Variants in CETP observed in about 807,000 individuals in gnomAD.
CETP encodes the protein cholesteryl ester transfer protein, also known as BPI fold containing family F.
Under a neutral mutation model 66.5 loss-of-function variants are expected in CETP, and 56 were observed. The ratio of observed to expected loss-of-function variants is 0.84; its 90% CI spans 0.68 to 1.05. The LOEUF (loss-of-function observed/expected upper bound fraction) is 1.05. Among genes scored for constraint, CETP ranks in the 50% least tolerant of loss-of-function variants. CETP has a pLI of 0.00. For missense variants in CETP, 612 were observed against 609.6 expected, an observed-to-expected ratio of 1.00 and a Z score of -0.04; for synonymous variants, 251 against 245.7, an observed-to-expected ratio of 1.02 and a Z score of -0.20.
Position 56,962,130 on chromosome 16 carries a change from G to A in CETP, c.118+33G>A, listed in dbSNP as rs368028559. On this transcript the variant is annotated intron_variant, in intron 1 of 15. Coordinates refer to ENST00000200676, the MANE Select transcript of CETP (RefSeq NM_000078.3). ...TCAGTGCATCTGTCTGCCCTGCCAG[G>A]GGTCTTTTCATGGACACCCACTATG... 203 of 1,577,188 alleles carry A rather than the reference G, an allele frequency of 1.3e-4. No individual in the cohort carries two copies. The African/African-American group carries it at 2.2e-3, about 17-fold the overall frequency.
chr16:56,973,980 T>A (rs117693818), intron 9 of CETP, among the ~76,000 whole-genome samples: 7 of 152,170 alleles, frequency 4.6e-5, no homozygotes, highest in Non-Finnish European at 1.5e-5. Context: ...TGCTCTTTCA[T>A]GCAATGTCTG....
At chr16:56,978,334 C>T (rs1490149608) in intron 11 of CETP, 79 bp downstream of exon 11, 1 of 1,553,052 alleles carries the variant, frequency 6.4e-7, no homozygotes, top group Non-Finnish European at 8.9e-7. Flanking sequence ...GCCTGGGGGT[C>T]TCTGAAGCCT....
intron 14 of CETP, among the ~76,000 whole-genome samples, chr16:56,982,911 A>T (rs576593583): frequency 6.6e-6 from 1 of 152,354 alleles, no homozygotes; most frequent in East Asian, 1.9e-4. Flanking sequence ...CATCTGAACC[A>T]TGAAGCTAAA....
chr16:56,969,774 G>A lies in CETP; in HGVS notation c.439+93G>A, dbSNP rs371368993. The stretch of plus-strand genomic sequence containing the variant: ...GGTTGTGCAGGCAGAGGGTTCTGGG[G>A]CCACCAAAGGAGGCCCAGCCTGGGA... On this transcript the variant is annotated intron_variant, in intron 4 of 15. Coordinates refer to ENST00000200676, the MANE Select transcript of CETP (RefSeq NM_000078.3). The A allele has an allele frequency of 9.1e-5, 143 of 1,563,032 alleles. 1 individual carries two copies. The African/African-American group carries it at 1.7e-3, about 19-fold the overall frequency.
Position 56,971,079 on chromosome 16 carries a change from C to T in CETP, c.574C>T (p.Leu192=). The part of the protein sequence containing the change: ...QLFTNFISFT[L]KLVLKGQICK... Reference sequence around the variant, plus strand: ...GTTCACAAATTTCATCTCCTTCACCCTGAAGCTGGTCCTGAAGGGACAGGT... The same window carrying T: ...GTTCACAAATTTCATCTCCTTCACCTTGAAGCTGGTCCTGAAGGGACAGGT... The change falls in exon 6 of 16, where the codon CTG becomes TTG. Residue 192 remains leucine, a synonymous_variant. Coordinates refer to ENST00000200676, the MANE Select transcript of CETP (RefSeq NM_000078.3). The T allele has an allele frequency of 6.2e-7, 1 of 1,614,124 alleles. No individual in the cohort carries two copies. Among genetic ancestry groups the T allele is most frequent in the Non-Finnish European group, 8.5e-7 (1 of 1,180,014 alleles).
intron 2 of CETP, among the ~76,000 whole-genome samples, chr16:56,966,485 G>A (rs17237967): frequency 0.012 from 1,856 of 152,272 alleles, 55 homozygotes; most frequent in African/African-American, 0.042. Flanking sequence ...GCCCAGCTTC[G>A]TGCTAGAATC....
chr16:56,981,390 G>A (rs145531171), intron 12 of CETP, among the ~76,000 whole-genome samples, 165 bp downstream of exon 12: 4 of 152,224 alleles, frequency 2.6e-5, no homozygotes, highest in Admixed American at 6.5e-5. Flanking sequence ...TAGAATCTTC[G>A]TGGGGAAGAA....
In CETP at chr16:56,969,630, A is replaced by G. The variant is rs1422900953; in HGVS notation, c.388A>G (p.Ile130Val). 2 of 1,614,036 alleles carry G rather than the reference A, an allele frequency of 1.2e-6. No individual in the cohort carries two copies. Among genetic ancestry groups the G allele is most frequent in the Non-Finnish European group, 1.7e-6 (2 of 1,180,034 alleles). ...TAWWLGIDQS[I>V]DFEIDSAIDL... The stretch of plus-strand genomic sequence containing the variant: ...TTCCAGGCTGGGTATTGATCAGTCC[A>G]TTGACTTCGAGATCGACTCTGCCAT... The change falls in exon 4 of 16, where the codon ATT becomes GTT. Residue 130 changes from isoleucine (I) to valine (V), a missense_variant. Transcript: ENST00000200676.
At chr16:56,975,217 G>GC in intron 10 of CETP, 66 bp downstream of exon 10, 1 of 1,404,846 alleles carries the variant, frequency 7.1e-7, no homozygotes, top group Non-Finnish European at 1.0e-6. Context: ...GGCTTCAAGA[G>GC]CCCCCACACA....
Position 56,975,186 on chromosome 16 carries a change from C to T in CETP, c.981+35C>T, listed in dbSNP as rs1181638670. 2.5e-6 allele frequency: 4 copies of T among 1,595,610 alleles called. No homozygotes were observed. The East Asian group carries it at 8.9e-5, about 36-fold the overall frequency. On this transcript the variant is annotated intron_variant, in intron 10 of 15. Coordinates refer to ENST00000200676, the MANE Select transcript of CETP (RefSeq NM_000078.3). ...CCCTGCCCCTGTGTGGGGTTTATCT[C>T]ACGTACCCCAATCCTGCTCTGGCTT...
At chr16:56,978,647 AT>A (rs200428946) in intron 11 of CETP, among the ~76,000 whole-genome samples, 1 of 150,788 alleles carries the variant, frequency 6.6e-6, no homozygotes, top group East Asian at 2.0e-4. Flanking sequence ...CACCTGGCTA[AT>A]TTAAAAAAAA....
intron 8 of CETP, 93 bp from the exon 9 acceptor site, chr16:56,973,238 G>A: frequency 7.4e-7 from 1 of 1,356,020 alleles, no homozygotes; most frequent in Non-Finnish European, 1.0e-6. Context: ...TGCACTCTGG[G>A]CTGAATGCTG....
At chr16:56,974,947 C>T (rs1446408852) in intron 9 of CETP, among the ~76,000 whole-genome samples, 154 bp from the exon 10 acceptor site, 2 of 152,226 alleles carry the variant, frequency 1.3e-5, no homozygotes, top group African/African-American at 4.8e-5. Context: ...CTGTTCCACA[C>T]CCTGCCCAGA....
intron 10 of CETP, among the ~76,000 whole-genome samples, chr16:56,977,820 C>T (rs1051242729): frequency 1.3e-5 from 2 of 152,080 alleles, no homozygotes; most frequent in Admixed American, 6.5e-5. Context: ...AAAGTGAGGC[C>T]CAGAAGGCTA....
intron 5 of CETP, among the ~76,000 whole-genome samples, chr16:56,970,376 TCTACGGA>T (rs2056101150): frequency 6.6e-6 from 1 of 152,194 alleles, no homozygotes; most frequent in African/African-American, 2.4e-5. Flanking sequence ...AAAGCTCATA[TCTACGGA>T]GTGCATCCTG....
intron 2 of CETP, among the ~76,000 whole-genome samples, chr16:56,966,904 G>A (rs570218060): frequency 6.6e-6 from 1 of 151,590 alleles, no homozygotes; most frequent in African/African-American, 2.4e-5. Flanking sequence ...CGTGAGCCAC[G>A]GCCTGGCCCA....
chr16:56,969,678 C>G lies in CETP; in HGVS notation c.436C>G (p.Leu146Val), dbSNP rs1289501590. The G allele has an allele frequency of 6.2e-7, 1 of 1,613,946 alleles. No homozygotes were observed. Residue 146 changes from leucine (L) to valine (V), a missense_variant, in exon 4 of 16, where the codon CTG (leucine) becomes GTG (valine). By Grantham distance (32) the Leu-to-Val change is conservative. Coordinates refer to ENST00000200676, the MANE Select transcript of CETP (RefSeq NM_000078.3). ...CATTGACCTCCAGATCAACACACAG[C>G]TGAGTATGTGTCAAGCGTCCTCTGG... ...SAIDLQINTQ[L>V]TCDSGRVRTD...
In CETP at chr16:56,978,153, C is replaced by G. The variant is rs764846568; in HGVS notation, c.1044C>G (p.Ile348Met). The G allele has an allele frequency of 6.2e-7, 1 of 1,614,250 alleles. No individual in the cohort carries two copies. Among genetic ancestry groups the G allele is most frequent in the East Asian group, 2.2e-5 (1 of 44,894 alleles). Residue 348 changes from isoleucine (I) to methionine (M), a missense_variant, in exon 11 of 16, where the codon ATC becomes ATG. Ile to Met is a conservative substitution (Grantham distance 10). Transcript: ENST00000200676. ...VTVHCLKMPK[I>M]SCQNKGVVVN... ...TCCACTGCCTCAAGATGCCCAAGAT[C>G]TCCTGCCAAAACAAGGGAGTCGTGG...
chr16:56,983,693 CTTGTAGCAGA>C lies in CETP; in HGVS notation c.*28_*37del. The stretch of plus-strand genomic sequence containing the variant: ...AGTCTCCAAGGAGGTCGGGATGGGG[CTTGTAGCAGA>C]AGGCAAGCACCAGGCTCACAGCTGG... On this transcript the variant is annotated 3_prime_UTR_variant, in exon 16 of 16. Transcript: ENST00000200676. 6.2e-7 allele frequency: 1 copy of C among 1,605,636 alleles called. No homozygotes were observed. The highest frequency in any genetic ancestry group is 8.5e-7 in the Non-Finnish European group (1 of 1,172,282).
Sources: gnomAD v4.1 joint callset for allele counts (sites outside exome capture counted in the v4.1 genomes callset) on GRCh38, gnomAD v4.1.1 for gene constraint, MANE v1.5 for transcripts, NCBI Gene and HGNC (gene_info 2026-07-23, HGNC 2026-07-21) for gene names.